Variants in PBRM1 observed in about 807,000 individuals in gnomAD.
PBRM1 encodes polybromo 1, also known as protein polybromo-1.
A neutral mutation model predicts 194.5 loss-of-function variants in PBRM1; 27 were observed. The observed-to-expected ratio is 0.14, with a 90% CI of 0.10 to 0.19. The LOEUF (loss-of-function observed/expected upper bound fraction) is 0.19, where lower values mean the gene tolerates loss of function less well. Among genes scored for constraint, PBRM1 ranks in the 10% least tolerant of loss-of-function variants. The pLI is 1.00. For missense variants in PBRM1, 1,466 were observed against 2,077.2 expected (o/e 0.71, Z 5.72); for synonymous variants, 655 against 693.2 (o/e 0.94, Z 0.87).
At chr3:52,645,305 C>G (rs956739436) in intron 7 of PBRM1, among the ~76,000 whole-genome samples, 3 of 151,572 alleles carry the variant, frequency 2.0e-5, no homozygotes, top group Non-Finnish European at 4.4e-5. Flanking sequence ...TCATGAATAG[C>G]AGATTCATCT....
At position 52,622,098 on chromosome 3, in the gene PBRM1, G is replaced by A. The variant is rs145961718; in HGVS notation, c.1542-4560C>T. On this transcript the variant is annotated intron_variant, in intron 13 of 29. Coordinates refer to ENST00000296302, the Ensembl canonical transcript of PBRM1. ...CTCACACATGTAATCCCAGCACTGT[G>A]AGAGGCCGAGGCAGGCAGATCACCT... Among the ~76,000 whole-genome samples, 614 of 151,962 alleles carry A rather than the reference G, an allele frequency of 4.0e-3. 2 individuals are homozygous for A. Among genetic ancestry groups the A allele is most frequent in the Middle Eastern group, 0.01 (3 of 294 alleles).
chr3:52,587,410 A>G (rs768649812), exon 19 of PBRM1: 2 of 1,610,578 alleles, frequency 1.2e-6, no homozygotes, highest in African/African-American at 2.7e-5. Flanking sequence ...CTTTGTTGTA[A>G]TAGTCACTCT....
chr3:52,548,335 G>C, intron 29 of PBRM1, 100 bp from the exon 32 acceptor site: 2 of 680,038 alleles, frequency 2.9e-6, no homozygotes, highest in Non-Finnish European at 4.6e-6. Flanking sequence ...ACAAAACATT[G>C]AATATTTATT....
At chr3:52,558,116 C>T in intron 26 of PBRM1, 133 bp downstream of exon 28, 2 of 648,704 alleles carry the variant, frequency 3.1e-6, no homozygotes, top group Non-Finnish European at 5.1e-6. Context: ...CAATATAGGA[C>T]AACATGGATG....
intron 3 of PBRM1, among the ~76,000 whole-genome samples, chr3:52,665,210 A>G (rs1422310719): frequency 2.0e-5 from 3 of 152,316 alleles, no homozygotes; most frequent in African/African-American, 7.2e-5. Flanking sequence ...GCTGAAGTGC[A>G]GTGGCATGAT....
chr3:52,560,847 TG>T, intron 25 of PBRM1: 1 of 152,222 alleles, frequency 6.6e-6, no homozygotes, highest in South Asian at 2.1e-4. Flanking sequence ...GAAGTTTCTT[TG>T]GAGACTTCAA....
Position 52,611,203 on chromosome 3 carries a change from G to C in PBRM1, c.1925-1248C>G, listed in dbSNP as rs143280344. ...GCAAGACACACACAAAAAAAACACTGTACCACTGGCTAATCAAATATTAGA... is the reference window on the plus strand; with the variant it reads ...GCAAGACACACACAAAAAAAACACTCTACCACTGGCTAATCAAATATTAGA... On this transcript the variant is annotated intron_variant, in intron 15 of 29. Transcript: ENST00000296302. Among the ~76,000 whole-genome samples, 611 of 152,206 alleles carry C rather than the reference G, an allele frequency of 4.0e-3. 3 individuals carry two copies. Among genetic ancestry groups the C allele is most frequent in the South Asian group, 0.023 (109 of 4,824 alleles).
chr3:52,566,325 C>T (rs2085203492), intron 22 of PBRM1, among the ~76,000 whole-genome samples: 1 of 152,098 alleles, frequency 6.6e-6, no homozygotes, highest in Non-Finnish European at 1.5e-5. Context: ...TATGACCTCG[C>T]AATTCTATTT....
At chr3:52,550,632 T>G in exon 29 of PBRM1, 1 of 1,523,940 alleles carries the variant, frequency 6.6e-7, no homozygotes, top group Non-Finnish European at 8.8e-7. Context: ...GCCCCAAAAC[T>G]CCCACCTGAA....
chr3:52,580,491 T>C (rs2090862983), intron 20 of PBRM1, among the ~76,000 whole-genome samples: 1 of 152,062 alleles, frequency 6.6e-6, no homozygotes, highest in Non-Finnish European at 1.5e-5. Context: ...CTGGAGTAGC[T>C]GGGACTACAG....
chr3:52,562,571 G>A (rs1465371913), intron 24 of PBRM1, among the ~76,000 whole-genome samples: 1 of 146,352 alleles, frequency 6.8e-6, no homozygotes, highest in African/African-American at 2.5e-5. Flanking sequence ...ATGATACAGG[G>A]TCTTGTTCTG....
At chr3:52,647,430 A>G (rs1173214887) in intron 7 of PBRM1, among the ~76,000 whole-genome samples, 5 of 46,032 alleles carry the variant, frequency 1.1e-4, no homozygotes, top group South Asian at 1.0e-3. Context: ...TATCAAAGAG[A>G]AAAAAAAAAA....
At chr3:52,600,560 C>A (rs773001342) in intron 17 of PBRM1, among the ~76,000 whole-genome samples, 3 of 152,116 alleles carry the variant, frequency 2.0e-5, no homozygotes, top group Non-Finnish European at 2.9e-5. Flanking sequence ...TCATTCATAT[C>A]CTGAATTGTT....
At chr3:52,644,535 C>A (rs1299162387) in intron 8 of PBRM1, among the ~76,000 whole-genome samples, 169 bp downstream of exon 9, 1 of 152,104 alleles carries the variant, frequency 6.6e-6, no homozygotes, top group Non-Finnish European at 1.5e-5. Flanking sequence ...CAGGCATATG[C>A]CACCACGCCC....
At chr3:52,603,850 T>A (rs1306602080) in intron 16 of PBRM1, 118 bp from the exon 19 acceptor site, 1 of 886,544 alleles carries the variant, frequency 1.1e-6, no homozygotes, top group African/African-American at 1.7e-5. Context: ...TCTGTACAGG[T>A]CTATGAAGAG....
At chr3:52,677,563 C>G (rs2097133930) in intron 2 of PBRM1, among the ~76,000 whole-genome samples, 1 of 152,168 alleles carries the variant, frequency 6.6e-6, no homozygotes, top group African/African-American at 2.4e-5. Flanking sequence ...CAGGCGCCCA[C>G]CACCAAGCCT....
chr3:52,662,311 T>C, intron 3 of PBRM1, 35 bp from the exon 5 acceptor site: 2 of 1,542,646 alleles, frequency 1.3e-6, no homozygotes, highest in South Asian at 1.2e-5. Flanking sequence ...AAAAACACTT[T>C]AGTAATGTAT....
At chr3:52,594,594 C>G (rs1394746190) in intron 17 of PBRM1, among the ~76,000 whole-genome samples, 2 of 152,126 alleles carry the variant, frequency 1.3e-5, no homozygotes, top group African/African-American at 4.8e-5. Flanking sequence ...CATTCAAGGT[C>G]AGTATTGATA....
At chr3:52,656,134 T>C (rs999057057) in intron 5 of PBRM1, among the ~76,000 whole-genome samples, 1 of 152,224 alleles carries the variant, frequency 6.6e-6, no homozygotes, top group African/African-American at 2.4e-5. Flanking sequence ...TAGGCTAATG[T>C]GAGTCAAATC....
Sources: allele counts gnomAD v4.1 joint callset (sites outside exome capture counted in the v4.1 genomes callset), GRCh38; gene constraint gnomAD v4.1.1; transcripts MANE v1.5; gene names NCBI Gene and HGNC (gene_info 2026-07-23, HGNC 2026-07-21).